Variants in AOAH observed in about 807,000 individuals in gnomAD.
AOAH encodes acyloxyacyl hydrolase (neutrophil).
AOAH carries 64 observed loss-of-function variants against 92.2 expected under a neutral mutation model. The ratio of observed to expected loss-of-function variants is 0.69; its 90% CI spans 0.57 to 0.86. AOAH has a LOEUF of 0.86. AOAH is among the 40% of genes least tolerant of loss of function. The probability of loss-of-function intolerance (pLI) is 0.00; values close to 1 mark genes in which losing one functional copy is unlikely to be tolerated. For synonymous variants in AOAH, 263 were observed against 254.5 expected (o/e 1.03, Z -0.32); for missense variants, 656 against 694.6 (o/e 0.94, Z 0.62).
At chr7:36,624,467 A>G (rs1040637040) in intron 6 of AOAH, among the ~76,000 whole-genome samples, 6 of 152,358 alleles carry the variant, frequency 3.9e-5, no homozygotes, top group Non-Finnish European at 7.3e-5. Context: ...TTCAGCTTAC[A>G]GGCCTCTTTG....
chr7:36,558,501 C>T (rs1309897673), intron 13 of AOAH, among the ~76,000 whole-genome samples: 1 of 152,202 alleles, frequency 6.6e-6, no homozygotes, highest in Non-Finnish European at 1.5e-5. Context: ...CTGGGAGAAC[C>T]ACTGCTCTCT....
intron 11 of AOAH, among the ~76,000 whole-genome samples, chr7:36,613,418 C>G (rs1791619840): frequency 6.6e-6 from 1 of 152,216 alleles, no homozygotes; most frequent in Non-Finnish European, 1.5e-5. Context: ...ATACCCTGGC[C>G]TGGCACGTAG....
intron 20 of AOAH, among the ~76,000 whole-genome samples, chr7:36,513,603 G>A (rs1583695579): frequency 6.6e-6 from 1 of 152,314 alleles, no homozygotes; most frequent in East Asian, 1.9e-4. Context: ...CTTCAGCGAT[G>A]GTGTCACATT....
At position 36,653,025 on chromosome 7, in the gene AOAH, A is replaced by G. The variant is rs73342202; in HGVS notation, c.390+6141T>C. ...GACTAAGTAATAGTAATGTGTTCACATTGTGGGGAATTAAACTTGGGTGAA... is the reference window on the plus strand; with the variant it reads ...GACTAAGTAATAGTAATGTGTTCACGTTGTGGGGAATTAAACTTGGGTGAA... On this transcript the variant is annotated intron_variant, in intron 4 of 20. Transcript: ENST00000617537. 8.1e-3 allele frequency among the ~76,000 whole-genome samples: 1,236 copies of G among 152,346 alleles called. 16 individuals carry two copies. Among genetic ancestry groups the G allele is most frequent in the African/African-American group, 0.028 (1,148 of 41,568 alleles).
At chr7:36,714,838 A>T (rs2116996417) in intron 1 of AOAH, among the ~76,000 whole-genome samples, 2 of 152,356 alleles carry the variant, frequency 1.3e-5, no homozygotes, top group Non-Finnish European at 2.9e-5. Flanking sequence ...CAAAATAATA[A>T]GAGCTATCTA....
intron 2 of AOAH, among the ~76,000 whole-genome samples, chr7:36,677,045 A>G (rs755930453): frequency 5.9e-5 from 9 of 152,130 alleles, no homozygotes; most frequent in Non-Finnish European, 1.2e-4. Flanking sequence ...ATATGACACC[A>G]AAAGCACAAG....
chr7:36,611,409 C>G lies in AOAH; in HGVS notation c.846+4971G>C, dbSNP rs917354896. On this transcript the variant is annotated intron_variant, in intron 11 of 20. Transcript: ENST00000617537. ...CCAAAACGTAGGAGTGGGGAGTAAC[C>G]CAAACCAATACCAACAAATGCTGTT... 3.9e-5 allele frequency among the ~76,000 whole-genome samples: 6 copies of G among 152,260 alleles called. No individual in the cohort carries two copies. The South Asian group carries it at 6.2e-4, about 16-fold the overall frequency.
intron 13 of AOAH, among the ~76,000 whole-genome samples, chr7:36,560,184 CT>C (rs1266270807): frequency 6.6e-6 from 1 of 152,096 alleles, no homozygotes; most frequent in Non-Finnish European, 1.5e-5. Context: ...TAGCTTTATT[CT>C]TTTTGCTTAG....
chr7:36,582,109 C>T (rs1371967100), intron 12 of AOAH, among the ~76,000 whole-genome samples: 2 of 152,194 alleles, frequency 1.3e-5, no homozygotes, highest in African/African-American at 4.8e-5. Flanking sequence ...TGAGGCTAAA[C>T]TATCATGATG....
At chr7:36,641,327 C>T (rs549418709) in intron 4 of AOAH, among the ~76,000 whole-genome samples, 1 of 152,290 alleles carries the variant, frequency 6.6e-6, no homozygotes, top group Non-Finnish European at 1.5e-5. Flanking sequence ...TAGAAGCCCC[C>T]CCTCCTCAGC....
At chr7:36,568,421 C>T (rs1291968305) in intron 13 of AOAH, among the ~76,000 whole-genome samples, 1 of 152,168 alleles carries the variant, frequency 6.6e-6, no homozygotes, top group African/African-American at 2.4e-5. Flanking sequence ...ATTTTGGTGC[C>T]TCTCAACAGC....
rs142388741 is a variant in AOAH, at chr7:36,724,057, G to A, written c.92C>T (p.Ser31Phe). The stretch of plus-strand genomic sequence containing the variant: ...GTGCCCATTCGAGAGGCTGGGCCTG[G>A]ACTGGTCATCGTTGGCTGGAGAGGC... ...SSASPANDDQ[S>F]RPSLSNGHTC... The change falls in exon 1 of 21, where the codon TCC becomes TTC. Residue 31 changes from serine to phenylalanine, a missense_variant. Coordinates refer to ENST00000617537, the MANE Select transcript of AOAH (RefSeq NM_001637.4). The A allele has an allele frequency of 7.4e-6, 12 of 1,613,576 alleles. No homozygotes were observed. In the African/African-American group the frequency reaches 1.2e-4, roughly 16 times the overall value.
At chr7:36,701,604 T>C (rs527510076) in intron 1 of AOAH, among the ~76,000 whole-genome samples, 1 of 151,932 alleles carries the variant, frequency 6.6e-6, no homozygotes, top group South Asian at 2.1e-4. Context: ...CTGGTACTAA[T>C]ATATTTATCC....
rs763470621 is a variant in AOAH at position 36,724,100 on chromosome 7, G to T, written c.49C>A (p.Leu17Met). 1.9e-6 allele frequency: 3 copies of T among 1,613,706 alleles called. No individual in the cohort carries two copies. Among genetic ancestry groups the T allele is most frequent in the Non-Finnish European group, 2.5e-6 (3 of 1,179,756 alleles). Residue 17 changes from leucine (L) to methionine (M), a missense_variant, in exon 1 of 21, where the codon CTG (leucine) becomes ATG (methionine). Coordinates refer to ENST00000617537, the MANE Select transcript of AOAH (RefSeq NM_001637.4). ...ILTVAPLFLL[L>M]SLQSSASPAN... ...GGAGAGGCCGAGGACTGAAGAGACAGGAGCAAGAATAGAGGCGCCACCGTA... is the reference window on the plus strand; with the variant it reads ...GGAGAGGCCGAGGACTGAAGAGACATGAGCAAGAATAGAGGCGCCACCGTA...
At chr7:36,528,339 G>A (rs1379308075) in intron 19 of AOAH, among the ~76,000 whole-genome samples, 2 of 152,162 alleles carry the variant, frequency 1.3e-5, no homozygotes, top group African/African-American at 2.4e-5. Context: ...CTTTTTCACT[G>A]TGTTTATTAT....
At chr7:36,695,090 A>G (rs1431201975) in intron 1 of AOAH, among the ~76,000 whole-genome samples, 1 of 152,202 alleles carries the variant, frequency 6.6e-6, no homozygotes, top group East Asian at 1.9e-4. Context: ...TTGACTGTCT[A>G]TTTAACTGTT....
At chr7:36,565,861 ATT>A (rs1221708649) in intron 13 of AOAH, among the ~76,000 whole-genome samples, 1 of 152,132 alleles carries the variant, frequency 6.6e-6, no homozygotes, top group Non-Finnish European at 1.5e-5. Context: ...ATCTTCAATA[ATT>A]ATAGAACAAT....
At chr7:36,675,296 A>G (rs1796182347) in intron 2 of AOAH, among the ~76,000 whole-genome samples, 1 of 152,238 alleles carries the variant, frequency 6.6e-6, no homozygotes, top group Admixed American at 6.5e-5. Context: ...GAAGTAGGCA[A>G]TTAAAACTGT....
intron 15 of AOAH, among the ~76,000 whole-genome samples, chr7:36,544,708 G>A (rs1322102633): frequency 2.0e-5 from 3 of 152,206 alleles, no homozygotes; most frequent in Non-Finnish European, 4.4e-5. Flanking sequence ...CACTCCTGAA[G>A]GTGGCTCTGA....
Sources: gnomAD v4.1 joint callset for allele counts (sites outside exome capture counted in the v4.1 genomes callset) on GRCh38, gnomAD v4.1.1 for gene constraint, MANE v1.5 for transcripts, NCBI Gene and HGNC (gene_info 2026-07-23, HGNC 2026-07-21) for gene names.